CTDSP2: variants seen among roughly 807,000 people sequenced by gnomAD.
CTDSP2 encodes carboxy-terminal domain RNA polymerase II polypeptide A small phosphatase 2.
CTDSP2 carries 9 observed loss-of-function variants against 31.6 expected under a neutral mutation model. The ratio of observed to expected loss-of-function variants is 0.28; its 90% CI spans 0.17 to 0.50. CTDSP2 has a LOEUF of 0.50. CTDSP2 is among the 20% of genes least tolerant of loss of function. CTDSP2 has a pLI of 0.98. For missense variants in CTDSP2, 267 were observed against 348.5 expected (o/e 0.77, Z 1.86); for synonymous variants, 134 against 134.5 (o/e 1.00, Z 0.03).
intron 1 of CTDSP2, among the ~76,000 whole-genome samples, chr12:57,830,107 C>T (rs1202411336): frequency 6.6e-6 from 1 of 152,156 alleles, no homozygotes; most frequent in Non-Finnish European, 1.5e-5. Context: ...GGATAGAGGC[C>T]AGGTGCAGTG....
chr12:57,827,104 C>T lies in CTDSP2; in HGVS notation c.253-7G>A, dbSNP rs1956187480. On this transcript the variant is annotated splice_region_variant and splice_polypyrimidine_tract_variant and intron_variant, in intron 3 of 7. Transcript: ENST00000398073. ...GCAGGCAGGTCCCTGGGATCTAAAA[C>T]CAAGCCAGGTTGCTGAGATCTGCCT... The T allele has an allele frequency of 6.2e-7, 1 of 1,607,742 alleles. No homozygotes were observed. The highest frequency in any genetic ancestry group is 1.3e-5 in the African/African-American group (1 of 74,796).
intron 7 of CTDSP2, 38 bp downstream of exon 7, chr12:57,823,866 C>T: frequency 1.2e-6 from 2 of 1,611,810 alleles, no homozygotes; most frequent in Non-Finnish European, 1.7e-6. Flanking sequence ...TGCTTCCTCT[C>T]CCAATCCCTA....
chr12:57,846,369 T>C lies in CTDSP2; in HGVS notation c.64+3A>G. 1 of 1,606,304 alleles carries C rather than the reference T, an allele frequency of 6.2e-7. No homozygotes were observed. Among genetic ancestry groups the C allele is most frequent in the Non-Finnish European group, 8.5e-7 (1 of 1,176,646 alleles). Reference sequence around the variant, plus strand: ...CAAAGTTTTGGGAAGTTGCTGCCCCTACCTTGCTTGGTGAGCACCAGGGCG... The same window carrying C: ...CAAAGTTTTGGGAAGTTGCTGCCCCCACCTTGCTTGGTGAGCACCAGGGCG... On this transcript the variant is annotated splice_donor_region_variant and intron_variant, in intron 1 of 7. Transcript: ENST00000398073.
At chr12:57,843,990 G>A (rs1010520936) in intron 1 of CTDSP2, among the ~76,000 whole-genome samples, 1 of 151,962 alleles carries the variant, frequency 6.6e-6, no homozygotes, top group African/African-American at 2.4e-5. Flanking sequence ...CTCAGGAGTC[G>A]AGACCAGCCT....
At chr12:57,842,428 A>G (rs939875328) in intron 1 of CTDSP2, 4 of 152,264 alleles carry the variant, frequency 2.6e-5, no homozygotes, top group East Asian at 3.9e-4. Context: ...GGACAAAGGA[A>G]CACCCCCACC....
rs1033154991 is a variant in CTDSP2 at position 57,829,365 on chromosome 12, C to A, written c.213+83G>T. 59 of 1,514,786 alleles carry A rather than the reference C, an allele frequency of 3.9e-5. No homozygotes were observed. The Admixed American group carries it at 1.0e-3, about 27-fold the overall frequency. 93.8% of individuals were successfully genotyped at this position (1,514,786 alleles called of 1,614,324 possible). On this transcript the variant is annotated intron_variant, in intron 2 of 7. Transcript: ENST00000398073. ...ATCTTTGCAACTTCAGGCAAAGCTT[C>A]CTTGTCCGGTTGCCATCGTCTGCAG...
At position 57,820,435 on chromosome 12, in the gene CTDSP2, G is replaced by C. The variant is rs559666620; in HGVS notation, c.*3167C>G. On this transcript the variant is annotated 3_prime_UTR_variant, in exon 8 of 8. Transcript: ENST00000398073. ...CTTACCTTTCTCATATACTTGGCCT[G>C]GCTAGGACACTGGGTGCCAGACAGC... is the stretch of plus-strand genomic sequence containing the variant. The C allele has an allele frequency of 2.6e-5, 4 of 152,216 alleles. No homozygotes were observed. Among genetic ancestry groups the C allele is most frequent in the Non-Finnish European group, 5.9e-5 (4 of 68,042 alleles). The allele number at this position is 152,216 out of a possible 1,614,324, so 9.4% of individuals were successfully genotyped here.
intron 2 of CTDSP2, 43 bp from the exon 3 acceptor site, chr12:57,827,633 T>TCC: frequency 6.3e-7 from 1 of 1,586,138 alleles, no homozygotes; most frequent in Non-Finnish European, 8.6e-7. Flanking sequence ...TCACTGCCTT[T>TCC]CCCACCCCAT....
chr12:57,845,219 C>T (rs1956307149), intron 1 of CTDSP2, among the ~76,000 whole-genome samples: 1 of 146,346 alleles, frequency 6.8e-6, no homozygotes, highest in African/African-American at 2.8e-5. Context: ...GCCTCCGGGG[C>T]CAGGTGGCCC....
At position 57,821,705 on chromosome 12, in the gene CTDSP2, T is replaced by G. The variant is rs994228264; in HGVS notation, c.*1897A>C. On this transcript the variant is annotated 3_prime_UTR_variant, in exon 8 of 8. Transcript: ENST00000398073. The stretch of plus-strand genomic sequence containing the variant: ...AGACAGTATATTTCTGGCTAGCACA[T>G]GGGGTCCTTCTCCCTTTAGGTACAC... The G allele has an allele frequency of 1.3e-5, 2 of 152,248 alleles. No homozygotes were observed. The highest frequency in any genetic ancestry group is 4.8e-5 in the African/African-American group (2 of 41,452). The allele number at this position is 152,248 out of a possible 1,614,324, so 9.4% of individuals were successfully genotyped here.
At chr12:57,823,853 G>GTCTGCTTC (rs774273456) in intron 7 of CTDSP2, 51 bp downstream of exon 7, 2 of 1,609,808 alleles carry the variant, frequency 1.2e-6, no homozygotes, top group Admixed American at 3.3e-5. Flanking sequence ...CACAGTTCCA[G>GTCTGCTTC]TCTGCTTCCT....
chr12:57,823,626 G>A lies in CTDSP2; in HGVS notation c.792C>T (p.Ser264=). The A allele has an allele frequency of 3.7e-6, 6 of 1,614,008 alleles. No homozygotes were observed. The highest frequency in any genetic ancestry group is 1.1e-5 in the South Asian group (1 of 91,070). Residue 264 remains serine, a synonymous_variant, in exon 8 of 8, where the codon AGC becomes AGT. Coordinates refer to ENST00000398073, the MANE Select transcript of CTDSP2 (RefSeq NM_005730.4). ...GCTAAGGGGCCCGCAGCTGCCCAAGGCTGGTGTAGACGTCCTCTGCTCCGC... is the reference window on the plus strand; with the variant it reads ...GCTAAGGGGCCCGCAGCTGCCCAAGACTGGTGTAGACGTCCTCTGCTCCGC... ...ELSGAEDVYT[S]LGQLRAP
intron 1 of CTDSP2, among the ~76,000 whole-genome samples, chr12:57,834,530 T>C (rs963073285): frequency 1.3e-5 from 2 of 152,096 alleles, no homozygotes; most frequent in African/African-American, 4.8e-5. Flanking sequence ...AAGATGACAA[T>C]GGGGCAGAGG....
chr12:57,846,148 C>T (rs1217701048), intron 1 of CTDSP2, among the ~76,000 whole-genome samples: 1 of 152,204 alleles, frequency 6.6e-6, no homozygotes, highest in Non-Finnish European at 1.5e-5. Flanking sequence ...AGGGTGACAG[C>T]TGCGCCGAAG....
chr12:57,826,542 C>T (rs939343287), intron 4 of CTDSP2, 140 bp from the exon 5 acceptor site: 5 of 726,280 alleles, frequency 6.9e-6, no homozygotes, highest in African/African-American at 1.8e-5. Flanking sequence ...GGGGTTCTCA[C>T]CCTAGTTCAA....
At chr12:57,837,352 G>A (rs1436980875) in intron 1 of CTDSP2, 2 of 152,218 alleles carry the variant, frequency 1.3e-5, no homozygotes, top group Non-Finnish European at 2.9e-5. Context: ...GCAAGGCAGG[G>A]CCGGACCCAG....
rs1429981542 is a variant in CTDSP2, at chr12:57,823,343, C to CA, written c.*258dup. On this transcript the variant is annotated 3_prime_UTR_variant, in exon 8 of 8. Coordinates refer to ENST00000398073, the MANE Select transcript of CTDSP2 (RefSeq NM_005730.4). Reference sequence around the variant, plus strand: ...TATACACTGGGGCCACAGTTCATGGCAAAACACACACACAAACACACACTC... The same window carrying CA: ...TATACACTGGGGCCACAGTTCATGGCAAAAACACACACACAAACACACACTC... The CA allele has an allele frequency of 2.0e-6, 1 of 512,630 alleles. No individual in the cohort carries two copies. The highest frequency in any genetic ancestry group is 3.6e-6 in the Non-Finnish European group (1 of 281,508). 31.8% of individuals were successfully genotyped at this position (512,630 alleles called of 1,614,324 possible). A position where few individuals can be genotyped will look rare whatever the true frequency, so the allele number is the denominator to read the frequency against.
chr12:57,825,910 T>TG (rs1220668764), intron 5 of CTDSP2, among the ~76,000 whole-genome samples: 2 of 152,084 alleles, frequency 1.3e-5, no homozygotes, highest in Non-Finnish European at 2.9e-5. Context: ...GCAGAGAAAA[T>TG]GGTTACTACT....
chr12:57,844,266 G>A (rs1956299933), intron 1 of CTDSP2, among the ~76,000 whole-genome samples: 1 of 152,202 alleles, frequency 6.6e-6, no homozygotes, highest in Non-Finnish European at 1.5e-5. Flanking sequence ...ACACAAAAAA[G>A]GAGAAACATT....
Sources: gnomAD v4.1 joint callset for allele counts (sites outside exome capture counted in the v4.1 genomes callset) on GRCh38, gnomAD v4.1.1 for gene constraint, MANE v1.5 for transcripts, NCBI Gene and HGNC (gene_info 2026-07-23, HGNC 2026-07-21) for gene names.